MROH2B: variants seen among roughly 807,000 people sequenced by gnomAD.
MROH2B encodes the protein maestro heat-like repeat-containing protein family member 2B.
In MROH2B, 177 loss-of-function variants were observed where a neutral mutation model predicts 208.6. The ratio of observed to expected loss-of-function variants is 0.85; its 90% confidence interval spans 0.75 to 0.96. The LOEUF (loss-of-function observed/expected upper bound fraction) is 0.96. Among genes scored for constraint, MROH2B ranks in the 40% least tolerant of loss-of-function variants. MROH2B has a pLI of 0.00. For synonymous variants in MROH2B, 728 were observed against 659.0 expected (o/e 1.10, Z -1.60); for missense variants, 2,002 against 1,878.7 (o/e 1.07, Z -1.21).
At chr5:41,027,060 T>C (rs1212724127) in intron 24 of MROH2B, among the ~76,000 whole-genome samples, 4 of 152,184 alleles carry the variant, frequency 2.6e-5, no homozygotes. Context: ...AAGACTTAAA[T>C]GCTAGACGTA....
At chr5:41,036,341 A>T (rs1742759425) in intron 21 of MROH2B, among the ~76,000 whole-genome samples, 2 of 152,090 alleles carry the variant, frequency 1.3e-5, no homozygotes, top group African/African-American at 4.8e-5. Context: ...GTTTCCCTGC[A>T]CAAGCTCTCT....
chr5:41,007,231 G>C (rs1046201123), intron 34 of MROH2B, 83 bp downstream of exon 34: 2 of 1,283,884 alleles, frequency 1.6e-6, no homozygotes, highest in Middle Eastern at 2.1e-4. Context: ...TATGCTCAGT[G>C]AAGTTGCCTG....
chr5:40,998,092 GT>G lies in MROH2B; in HGVS notation c.4717del (p.Thr1573ProfsTer3). 2 of 1,612,554 alleles carry G rather than the reference GT, an allele frequency of 1.2e-6. No individual in the cohort carries two copies. The highest frequency in any genetic ancestry group is 4.5e-5 in the East Asian group (2 of 44,854). On this transcript the variant is annotated frameshift_variant, in exon 42 of 42. Coordinates refer to ENST00000399564, the MANE Select transcript of MROH2B (RefSeq NM_173489.5). LOFTEE classifies it high-confidence loss of function. ...VQRAAEAALQ[T>X]LLRRCKETSI... ...TGTCTCTTTACACCTTCTCAGGAGG[GT>G]TTGCAAAGCAGCCTCAGCTGCTCTC... is the stretch of plus-strand genomic sequence containing the variant.
At chr5:41,031,466 C>T (rs549561267) in intron 24 of MROH2B, among the ~76,000 whole-genome samples, 1 of 152,020 alleles carries the variant, frequency 6.6e-6, no homozygotes, top group South Asian at 2.1e-4. Context: ...AAAGTCAAAC[C>T]ACATCAAGGA....
At position 41,025,250 on chromosome 5, in the gene MROH2B, G is replaced by A. The variant is rs185597678; in HGVS notation, c.2442-6232C>T. Among the ~76,000 whole-genome samples, 635 of 152,134 alleles carry A rather than the reference G, an allele frequency of 4.2e-3. 4 individuals carry two copies. The highest frequency in any genetic ancestry group is 0.015 in the African/African-American group (609 of 41,514). On this transcript the variant is annotated intron_variant, in intron 24 of 41. Transcript: ENST00000399564. Reference sequence around the variant, plus strand: ...AAAAAATCAATGAATCTAGGAGCTGGTTTTTTGAAAAGATCAACAAAATTG... The same window carrying A: ...AAAAAATCAATGAATCTAGGAGCTGATTTTTTGAAAAGATCAACAAAATTG...
intron 4 of MROH2B, among the ~76,000 whole-genome samples, chr5:41,064,861 C>T (rs908784189): frequency 2.0e-5 from 3 of 152,162 alleles, no homozygotes; most frequent in Non-Finnish European, 4.4e-5. Context: ...CACTATACCA[C>T]CAGTGCTGCC....
rs1278301814 is a variant in MROH2B, at chr5:41,061,591, G to A, written c.594C>T (p.Ala198=). ...MLFWYIMEKW[A]PLASPMQTLS... ...TCACCTGCATGGGTGAGGCCAAAGG[G>A]GCCCACTTCTCCATTATATACCAGA... Residue 198 remains alanine (A), a synonymous_variant, in exon 6 of 42, where the codon GCC becomes GCT. Coordinates refer to ENST00000399564, the MANE Select transcript of MROH2B (RefSeq NM_173489.5). The A allele has an allele frequency of 1.2e-6, 2 of 1,613,224 alleles. No homozygotes were observed. The highest frequency in any genetic ancestry group is 2.2e-5 in the South Asian group (2 of 90,926).
At chr5:41,028,804 T>G (rs965359756) in intron 24 of MROH2B, among the ~76,000 whole-genome samples, 1 of 152,184 alleles carries the variant, frequency 6.6e-6, no homozygotes, top group African/African-American at 2.4e-5. Context: ...TTTTTTAATT[T>G]AAAAAGCCAT....
chr5:41,040,688 A>G (rs1467180118), intron 19 of MROH2B, among the ~76,000 whole-genome samples: 1 of 152,096 alleles, frequency 6.6e-6, no homozygotes, highest in African/African-American at 2.4e-5. Context: ...ATTTTTTGAG[A>G]TGGAGTCTCA....
At chr5:41,019,514 C>T (rs1404706517) in intron 24 of MROH2B, among the ~76,000 whole-genome samples, 1 of 152,158 alleles carries the variant, frequency 6.6e-6, no homozygotes, top group Non-Finnish European at 1.5e-5. Flanking sequence ...GAATAAATGA[C>T]AATGGAGTGT....
intron 24 of MROH2B, among the ~76,000 whole-genome samples, chr5:41,023,939 C>T (rs1742253529): frequency 6.6e-6 from 1 of 152,124 alleles, no homozygotes; most frequent in Non-Finnish European, 1.5e-5. Context: ...AACTAAGCTT[C>T]ATAAATAAAG....
intron 27 of MROH2B, 113 bp from the exon 28 acceptor site, chr5:41,018,083 A>C: frequency 7.2e-7 from 1 of 1,382,468 alleles, no homozygotes; most frequent in Non-Finnish European, 9.7e-7. Context: ...CCTTAGAATG[A>C]AATTTGATCT....
chr5:41,058,548 C>T (rs1370721514), intron 6 of MROH2B, among the ~76,000 whole-genome samples: 1 of 152,078 alleles, frequency 6.6e-6, no homozygotes, highest in African/African-American at 2.4e-5. Flanking sequence ...ACCTCCGCCT[C>T]CCAGATTCAA....
At chr5:41,065,531 G>A in intron 3 of MROH2B, 41 bp from the exon 4 acceptor site, 3 of 1,567,056 alleles carry the variant, frequency 1.9e-6, no homozygotes. Context: ...ACTAGAAAAG[G>A]GGCAGAGTGA....
Position 41,055,950 on chromosome 5 carries a change from C to G in MROH2B, c.920-95G>C, listed in dbSNP as rs987165313. ...AGGGAAATTCACCATGAAGATTATC[C>G]AAGGCACTCTTCAGTTGGTAATTTG... is the stretch of plus-strand genomic sequence containing the variant. On this transcript the variant is annotated intron_variant, in intron 9 of 41. Transcript: ENST00000399564. 2.7e-5 allele frequency: 22 copies of G among 827,138 alleles called. No individual in the cohort carries two copies. In the African/African-American group the frequency reaches 3.2e-4, roughly 12 times the overall value. The allele number at this position is 827,138 out of a possible 1,614,324, so 51.2% of individuals were successfully genotyped here.
At chr5:41,022,525 C>T (rs1252959669) in intron 24 of MROH2B, among the ~76,000 whole-genome samples, 1 of 152,210 alleles carries the variant, frequency 6.6e-6, no homozygotes, top group African/African-American at 2.4e-5. Context: ...ATTGCTGAGG[C>T]TTGAGTAGGT....
chr5:41,007,965 C>A (rs933636981), intron 33 of MROH2B, among the ~76,000 whole-genome samples: 1 of 152,162 alleles, frequency 6.6e-6, no homozygotes. Flanking sequence ...TTGCACCAAC[C>A]TAATACGTGT....
At position 41,010,090 on chromosome 5, in the gene MROH2B, A is replaced by G. The variant is rs1741727724; in HGVS notation, c.3136-11T>C. On this transcript the variant is annotated splice_polypyrimidine_tract_variant and intron_variant, in intron 30 of 41. Transcript: ENST00000399564. The stretch of plus-strand genomic sequence containing the variant: ...TAAGATCTCCAATAGCTAAAGAGAA[A>G]AAAGCCAAGTCAAACATTAAGTTGC... 1.2e-6 allele frequency: 2 copies of G among 1,611,266 alleles called. No individual in the cohort carries two copies. The highest frequency in any genetic ancestry group is 1.1e-5 in the South Asian group (1 of 90,846).
rs1470981301 is a variant in MROH2B, at chr5:41,015,303, C to A, written c.2982+78G>T. ...TCAGCTTGAATATCTATCTTCTTTGCAGTGGGGAGTATGTAGCTTACTCAT... is the reference window on the plus strand; with the variant it reads ...TCAGCTTGAATATCTATCTTCTTTGAAGTGGGGAGTATGTAGCTTACTCAT... On this transcript the variant is annotated intron_variant, in intron 29 of 41. Coordinates refer to ENST00000399564, the MANE Select transcript of MROH2B (RefSeq NM_173489.5). The A allele has an allele frequency of 2.4e-6, 3 of 1,251,066 alleles. No homozygotes were observed. The African/African-American group carries it at 4.5e-5, about 19-fold the overall frequency. The allele number at this position is 1,251,066 out of a possible 1,614,324, so 77.5% of individuals were successfully genotyped here.
Sources: gnomAD v4.1 joint callset for allele counts (sites outside exome capture counted in the v4.1 genomes callset) on GRCh38, gnomAD v4.1.1 for gene constraint, MANE v1.5 for transcripts, NCBI Gene and HGNC (gene_info 2026-07-23, HGNC 2026-07-21) for gene names.